Variants in C21orf58 observed in about 807,000 individuals in gnomAD.
C21orf58 encodes uncharacterized protein C21orf58.
A neutral mutation model predicts 35.8 loss-of-function variants in C21orf58; 34 were observed. That is an observed-to-expected ratio of 0.95 (90% confidence interval 0.72 to 1.26). The LOEUF (loss-of-function observed/expected upper bound fraction) is 1.26, where lower values mean the gene tolerates loss of function less well. C21orf58 is among the 50% of genes most tolerant of loss of function. C21orf58 has a pLI of 0.00. For synonymous variants in C21orf58, 191 were observed against 175.8 expected, an observed-to-expected ratio of 1.09 and a Z score of -0.68; for missense variants, 440 against 414.3, an observed-to-expected ratio of 1.06 and a Z score of -0.54.
At chr21:46,303,337 TC>T (rs1218554236) in intron 6 of C21orf58, among the ~76,000 whole-genome samples, 1 of 151,586 alleles carries the variant, frequency 6.6e-6, no homozygotes, top group Non-Finnish European at 1.5e-5. Flanking sequence ...AGATACTATC[TC>T]CCCAGAAAAT....
At chr21:46,314,601 G>T in intron 5 of C21orf58, 115 bp downstream of exon 5, 1 of 818,984 alleles carries the variant, frequency 1.2e-6, no homozygotes, top group Non-Finnish European at 1.9e-6. Flanking sequence ...GCCTTGGGAG[G>T]ATGGGGGTGA....
chr21:46,322,434 ATGTAT>A (rs2083200858), intron 1 of C21orf58, 200 bp downstream of exon 1: 1 of 985,106 alleles, frequency 1.0e-6, no homozygotes, highest in South Asian at 4.7e-5. Context: ...ACAGTTGTAA[ATGTAT>A]TGTAACACGT....
At chr21:46,320,349 G>A (rs1051229430) in intron 1 of C21orf58, among the ~76,000 whole-genome samples, 3 of 151,736 alleles carry the variant, frequency 2.0e-5, no homozygotes, top group African/African-American at 7.3e-5. Context: ...GTGATCTGCC[G>A]TCTTGGCCTC....
At chr21:46,300,632 C>T (rs994502526), downstream of C21orf58, 21 of 1,226,208 alleles carry the variant, frequency 1.7e-5, no homozygotes, top group Admixed American at 6.1e-5. Flanking sequence ...TCGGTGTTCA[C>T]ACCTGCCCGT....
At chr21:46,310,125 G>A (rs977408288) in intron 6 of C21orf58, among the ~76,000 whole-genome samples, 6 of 152,178 alleles carry the variant, frequency 3.9e-5, no homozygotes, top group Non-Finnish European at 2.9e-5. Flanking sequence ...AACTTTGGAG[G>A]TGATGGATAT....
At chr21:46,321,352 A>C (rs2083150880) in intron 1 of C21orf58, among the ~76,000 whole-genome samples, 2 of 152,168 alleles carry the variant, frequency 1.3e-5, no homozygotes, top group South Asian at 4.1e-4. Context: ...AGTGAAAGCC[A>C]GTGCACCTGG....
chr21:46,315,537 G>A lies in C21orf58; in HGVS notation c.381C>T (p.Asp127=). ...EGLHLEPGNE[D]RPDDALQTAL... ...CAGTCTGCAGGGCATCGTCCGGCCG[G>A]TCCTCATTTCCTGGAGGGAAGAACC... is the stretch of plus-strand genomic sequence containing the variant. Residue 127 remains aspartate (D), a synonymous_variant, in exon 4 of 8, where the codon GAC becomes GAT. Transcript: ENST00000291691. 6.2e-7 allele frequency: 1 copy of A among 1,610,146 alleles called. No homozygotes were observed. Among genetic ancestry groups the A allele is most frequent in the Non-Finnish European group, 8.5e-7 (1 of 1,176,860 alleles).
intron 5 of C21orf58, among the ~76,000 whole-genome samples, chr21:46,312,363 G>T (rs560234379): frequency 6.6e-6 from 1 of 152,060 alleles, no homozygotes; most frequent in South Asian, 2.1e-4. Flanking sequence ...TTGTCGCCCA[G>T]GCTGGAGTGC....
At chr21:46,322,556 C>CTAATGA in intron 1 of C21orf58, 83 bp downstream of exon 1, 1 of 1,351,498 alleles carries the variant, frequency 7.4e-7, no homozygotes, top group Non-Finnish European at 9.6e-7. Flanking sequence ...GGCCCCTGCT[C>CTAATGA]TAATGAGCCC....
chr21:46,319,586 G>T (rs866598383), intron 1 of C21orf58, among the ~76,000 whole-genome samples: 15 of 152,120 alleles, frequency 9.9e-5, no homozygotes, highest in African/African-American at 3.6e-4. Flanking sequence ...AACACAACAA[G>T]ACCCCATCTC....
chr21:46,317,487 T>C (rs893876914), intron 2 of C21orf58: 1 of 721,090 alleles, frequency 1.4e-6, no homozygotes, highest in Non-Finnish European at 2.3e-6. Flanking sequence ...CATCCACAAG[T>C]CTAGGGGCGG....
At chr21:46,319,478 A>G (rs555220702) in intron 1 of C21orf58, among the ~76,000 whole-genome samples, 3 of 152,326 alleles carry the variant, frequency 2.0e-5, no homozygotes, top group African/African-American at 4.8e-5. Flanking sequence ...TTAAGATCCC[A>G]GTGCCATTGG....
intron 6 of C21orf58, among the ~76,000 whole-genome samples, chr21:46,309,685 G>A (rs1481367608): frequency 6.6e-6 from 1 of 151,660 alleles, no homozygotes; most frequent in African/African-American, 2.4e-5. Context: ...ATACTGTGTA[G>A]ACCATTTCTA....
rs1052130147 is a variant in C21orf58 at position 46,322,975 on chromosome 21, C to T, written c.-237G>A. The T allele has an allele frequency of 1.5e-5, 4 of 258,154 alleles. No individual in the cohort carries two copies. In the East Asian group the frequency reaches 1.9e-4, roughly 12 times the overall value. 16.0% of individuals were successfully genotyped at this position (258,154 alleles called of 1,614,324 possible). ...TTGCAAGTGAAGGCGCACGAACAGG[C>T]CCGGAGGACTACAAAGAAACCCAGA... On this transcript the variant is annotated 5_prime_UTR_variant, in exon 1 of 8. Transcript: ENST00000291691.
intron 1 of C21orf58, among the ~76,000 whole-genome samples, chr21:46,319,850 T>C (rs2083096430): frequency 6.6e-6 from 1 of 151,776 alleles, no homozygotes; most frequent in African/African-American, 2.4e-5. Context: ...TGACCCAAGA[T>C]TGCGCCACAG....
At position 46,323,444 on chromosome 21, in the gene C21orf58, G is replaced by A. The variant is rs1339633699; in HGVS notation, c.-706C>T. On this transcript the variant is annotated 5_prime_UTR_variant, in exon 1 of 8. Transcript: ENST00000291691. ...TCAGTGAGACACACGAGCAGACACG[G>A]GCTCGGTCGGGAAAGGCGGGAGCTC... The A allele has an allele frequency of 6.6e-6, 1 of 152,396 alleles. No homozygotes were observed. The highest frequency in any genetic ancestry group is 1.5e-5 in the Non-Finnish European group (1 of 68,148). The allele number at this position is 152,396 out of a possible 1,614,324, so 9.4% of individuals were successfully genotyped here.
chr21:46,301,286 C>T lies in C21orf58; in HGVS notation c.*713G>A, dbSNP rs1273728552. 4 of 252,816 alleles carry T rather than the reference C, an allele frequency of 1.6e-5. No individual in the cohort carries two copies. The highest frequency in any genetic ancestry group is 4.6e-5 in the African/African-American group (2 of 43,188). 15.7% of individuals were successfully genotyped at this position (252,816 alleles called of 1,614,324 possible). A position where few individuals can be genotyped will look rare whatever the true frequency, so the allele number is the denominator to read the frequency against. ...CCCCCAGAGCTGCTGAGATAACAGGCGCATATCACCACACCTGGCTAGTTT... is the reference window on the plus strand; with the variant it reads ...CCCCCAGAGCTGCTGAGATAACAGGTGCATATCACCACACCTGGCTAGTTT... On this transcript the variant is annotated 3_prime_UTR_variant, in exon 8 of 8. Coordinates refer to ENST00000291691, the MANE Select transcript of C21orf58 (RefSeq NM_058180.5).
chr21:46,321,315 C>A (rs550535046), intron 1 of C21orf58, among the ~76,000 whole-genome samples: 2 of 152,144 alleles, frequency 1.3e-5, no homozygotes, highest in South Asian at 4.1e-4. Context: ...ACTACAGGTA[C>A]GTGCCATCAT....
chr21:46,300,431 C>CA (rs894633978), downstream of C21orf58: 378 of 199,372 alleles, frequency 1.9e-3, no homozygotes, highest in South Asian at 4.0e-3. Context: ...AACTCTGTCT[C>CA]AAAAAAAAAC....
Sources: allele counts gnomAD v4.1 joint callset (sites outside exome capture counted in the v4.1 genomes callset), GRCh38; gene constraint gnomAD v4.1.1; transcripts MANE v1.5; gene names NCBI Gene and HGNC (gene_info 2026-07-23, HGNC 2026-07-21).